WWOX: variants seen among roughly 807,000 people sequenced by gnomAD.
WWOX encodes the protein WW domain-containing oxidoreductase.
WWOX carries 69 observed loss-of-function variants against 46.2 expected under a neutral mutation model. That is an observed-to-expected ratio of 1.49 (90% CI 1.23 to 1.82). The LOEUF (loss-of-function observed/expected upper bound fraction) is 1.82, where lower values mean the gene tolerates loss of function less well. WWOX is among the 40% of genes most tolerant of loss of function. WWOX has a pLI of 0.00. For missense variants in WWOX, 919 were observed against 542.6 expected (o/e 1.69, Z -6.89); for synonymous variants, 359 against 202.6 (o/e 1.77, Z -6.56).
chr16:78,408,849 G>A (rs989016805), intron 6 of WWOX, among the ~76,000 whole-genome samples: 1 of 152,168 alleles, frequency 6.6e-6, no homozygotes, highest in Non-Finnish European at 1.5e-5. Flanking sequence ...GATTCTGTGA[G>A]CCCCATCTCA....
intron 8 of WWOX, among the ~76,000 whole-genome samples, chr16:78,814,843 AACC>A (rs1437079611): frequency 6.6e-6 from 1 of 152,092 alleles, no homozygotes; most frequent in Non-Finnish European, 1.5e-5. Context: ...GCCCTTGCAA[AACC>A]ACCCTTGGGC....
At chr16:78,567,757 G>A (rs192583299) in intron 8 of WWOX, among the ~76,000 whole-genome samples, 1,736 of 151,984 alleles carry the variant, frequency 0.011, 27 homozygotes, top group Middle Eastern at 0.048. Flanking sequence ...GGGAGAAAAG[G>A]ACAAAGTTTT....
chr16:78,866,295 G>C (rs140759910), intron 8 of WWOX, among the ~76,000 whole-genome samples: 6 of 152,010 alleles, frequency 3.9e-5, no homozygotes, highest in Non-Finnish European at 4.4e-5. Flanking sequence ...AGGGAGCCAC[G>C]GTCAGATTTC....
intron 8 of WWOX, among the ~76,000 whole-genome samples, chr16:79,196,814 G>A (rs1422590750): frequency 6.6e-6 from 1 of 152,112 alleles, no homozygotes; most frequent in Admixed American, 6.5e-5. Context: ...AGCTCAAAGG[G>A]AGCACAATTC....
intron 8 of WWOX, among the ~76,000 whole-genome samples, chr16:78,840,189 A>G (rs2052100385): frequency 6.6e-6 from 1 of 152,338 alleles, no homozygotes; most frequent in South Asian, 2.1e-4. Flanking sequence ...TACTTGTGGA[A>G]TAATTTTTTA....
intron 5 of WWOX, among the ~76,000 whole-genome samples, chr16:78,335,315 C>T (rs114576277): frequency 0.011 from 1,747 of 152,218 alleles, 28 homozygotes; most frequent in African/African-American, 0.04. Context: ...TGTTATCCGC[C>T]TCCACCGTGT....
intron 8 of WWOX, among the ~76,000 whole-genome samples, chr16:78,710,482 A>ATATATATATATATATATATATATATATT (rs1567507524): frequency 2.3e-5 from 3 of 128,328 alleles, no homozygotes; most frequent in South Asian, 2.3e-4. Context: ...TCATATATAT[A>ATATATATATATATATATATATATATATT]TATATATATA....
rs182513394 is a variant in WWOX at position 78,986,538 on chromosome 16, G to A, written c.1057-225070G>A. ...TTCATGTAAGTAACCTGTGCAGAGA[G>A]TGAGGATAAATAAGAACAAGAATGA... On this transcript the variant is annotated intron_variant, in intron 8 of 8. Transcript: ENST00000566780. Among the ~76,000 whole-genome samples, 101 of 152,314 alleles carry A rather than the reference G, an allele frequency of 6.6e-4. 3 individuals carry two copies. Among genetic ancestry groups the A allele is most frequent in the Admixed American group, 1.6e-3 (25 of 15,304 alleles).
chr16:78,777,794 C>G lies in WWOX; in HGVS notation c.1056+345042C>G, dbSNP rs552812292. On this transcript the variant is annotated intron_variant, in intron 8 of 8. Transcript: ENST00000566780. ...GGGCCTGGTGGCTCACGCCTGTAAT[C>G]CCAGCACTTTGGGAGGCCGGGGCAG... Among the ~76,000 whole-genome samples, 7 of 152,172 alleles carry G rather than the reference C, an allele frequency of 4.6e-5. No individual in the cohort carries two copies. The South Asian group carries it at 1.2e-3, about 27-fold the overall frequency.
intron 5 of WWOX, among the ~76,000 whole-genome samples, chr16:78,333,749 C>T (rs1008084261): frequency 6.6e-6 from 1 of 152,224 alleles, no homozygotes; most frequent in African/African-American, 2.4e-5. Flanking sequence ...AATGGTTCCT[C>T]TGTTCAGCAA....
chr16:78,712,227 G>A (rs1011107537), intron 8 of WWOX, among the ~76,000 whole-genome samples: 5 of 152,134 alleles, frequency 3.3e-5, no homozygotes, highest in African/African-American at 9.7e-5. Flanking sequence ...GCATTGGCTG[G>A]GCGCGGTGGC....
chr16:78,581,271 A>G (rs2045045966), intron 8 of WWOX, among the ~76,000 whole-genome samples: 1 of 152,252 alleles, frequency 6.6e-6, no homozygotes, highest in African/African-American at 2.4e-5. Flanking sequence ...GGTCTTGAGC[A>G]TGTGGCTATT....
intron 8 of WWOX, among the ~76,000 whole-genome samples, chr16:79,147,646 G>C (rs2050205521): frequency 6.6e-6 from 1 of 152,174 alleles, no homozygotes; most frequent in Non-Finnish European, 1.5e-5. Flanking sequence ...GTAATGACAT[G>C]ATTAGTTTGT....
At chr16:79,119,988 T>C (rs1439806308) in intron 8 of WWOX, among the ~76,000 whole-genome samples, 1 of 152,170 alleles carries the variant, frequency 6.6e-6, no homozygotes, top group Non-Finnish European at 1.5e-5. Context: ...TACAGTCCAG[T>C]GTCAGTGGCT....
At chr16:79,026,564 A>G (rs909609880) in intron 8 of WWOX, among the ~76,000 whole-genome samples, 10 of 144,374 alleles carry the variant, frequency 6.9e-5, no homozygotes, top group Admixed American at 1.4e-4. Context: ...GCTTTTCTGC[A>G]CTCTCCTGCC....
At chr16:78,672,845 A>C (rs2047499788) in intron 8 of WWOX, among the ~76,000 whole-genome samples, 1 of 152,178 alleles carries the variant, frequency 6.6e-6, no homozygotes, top group Admixed American at 6.5e-5. Flanking sequence ...GATTTTCACT[A>C]AAATAGAATC....
chr16:79,050,808 T>C (rs997747358), intron 8 of WWOX, among the ~76,000 whole-genome samples: 2 of 152,196 alleles, frequency 1.3e-5, no homozygotes, highest in African/African-American at 2.4e-5. Context: ...TTGCTTCTCT[T>C]CTGCCGCCTT....
intron 6 of WWOX, among the ~76,000 whole-genome samples, chr16:78,398,054 T>A (rs2082328638): frequency 6.6e-6 from 1 of 152,208 alleles, no homozygotes; most frequent in Admixed American, 6.5e-5. Flanking sequence ...CATTTCCACT[T>A]TCTTTCTACT....
At chr16:78,294,432 C>G (rs2079910242) in intron 5 of WWOX, among the ~76,000 whole-genome samples, 1 of 152,168 alleles carries the variant, frequency 6.6e-6, no homozygotes, top group South Asian at 2.1e-4. Flanking sequence ...ATATTGCTGG[C>G]TTCTACTTGT....
Sources: allele counts gnomAD v4.1 joint callset (sites outside exome capture counted in the v4.1 genomes callset), GRCh38; gene constraint gnomAD v4.1.1; transcripts MANE v1.5; gene names NCBI Gene and HGNC (gene_info 2026-07-23, HGNC 2026-07-21).